Variants in PDE10A observed in about 807,000 individuals in gnomAD.
The protein encoded by PDE10A is cAMP and cAMP-inhibited cGMP 3',5'-cyclic phosphodiesterase 10A.
PDE10A carries 39 observed loss-of-function variants against 97.7 expected under a neutral mutation model. The ratio of observed to expected loss-of-function variants is 0.40; its 90% confidence interval spans 0.31 to 0.52. The LOEUF (loss-of-function observed/expected upper bound fraction) is 0.52. Ranked by LOEUF, PDE10A falls within the 20% of genes least tolerant of loss-of-function variation. The pLI, the probability that PDE10A is intolerant of heterozygous loss-of-function variation, is 0.56. For missense variants in PDE10A, 731 were observed against 1,047.8 expected (o/e 0.70, Z 4.17); for synonymous variants, 371 against 376.8 (o/e 0.98, Z 0.18).
chr6:165,766,974 T>C (rs895467672), intron 1 of PDE10A, among the ~76,000 whole-genome samples: 3 of 152,252 alleles, frequency 2.0e-5, no homozygotes, highest in Non-Finnish European at 2.9e-5. Context: ...AAACTTTCCC[T>C]TGTTTTATAA....
chr6:165,565,468 A>G (rs931374859), intron 1 of PDE10A, among the ~76,000 whole-genome samples: 11 of 152,224 alleles, frequency 7.2e-5, no homozygotes, highest in African/African-American at 2.4e-4. Context: ...AAGTGGATAC[A>G]TATTCCATGT....
chr6:165,793,425 G>A (rs373619129), intron 1 of PDE10A, among the ~76,000 whole-genome samples: 3 of 151,962 alleles, frequency 2.0e-5, no homozygotes, highest in South Asian at 4.2e-4. Flanking sequence ...CCAAGCAGAG[G>A]GCATTCTGGA....
chr6:165,693,878 G>T (rs1791375112), intron 1 of PDE10A, among the ~76,000 whole-genome samples: 1 of 152,174 alleles, frequency 6.6e-6, no homozygotes, highest in South Asian at 2.1e-4. Flanking sequence ...AATAGTACCT[G>T]GTGTTCCCAT....
chr6:165,947,710 G>A (rs1419812228), intron 1 of PDE10A, among the ~76,000 whole-genome samples: 1 of 152,102 alleles, frequency 6.6e-6, no homozygotes, highest in Non-Finnish European at 1.5e-5. Context: ...GATTCAATGT[G>A]CATTAATATG....
At chr6:165,664,564 G>A (rs1245376821), upstream of PDE10A, among the ~76,000 whole-genome samples, 3 of 152,112 alleles carry the variant, frequency 2.0e-5, no homozygotes, top group African/African-American at 4.8e-5. Context: ...AATGATTCCT[G>A]TGACTCTTAC....
At chr6:165,564,747 A>T (rs533051732) in intron 1 of PDE10A, among the ~76,000 whole-genome samples, 1 of 152,334 alleles carries the variant, frequency 6.6e-6, no homozygotes, top group East Asian at 1.9e-4. Context: ...CACCGAATAC[A>T]TCTTACTTTA....
At chr6:165,575,433 C>G (rs1785254631) in intron 1 of PDE10A, among the ~76,000 whole-genome samples, 1 of 152,184 alleles carries the variant, frequency 6.6e-6, no homozygotes, top group Admixed American at 6.5e-5. Context: ...CAATGTTTCT[C>G]TGAACCTCTA....
chr6:165,343,069 A>C (rs1278592513), intron 19 of PDE10A, among the ~76,000 whole-genome samples: 1 of 152,222 alleles, frequency 6.6e-6, no homozygotes, highest in East Asian at 1.9e-4. Flanking sequence ...GTGCCTATCT[A>C]AAGTAGATGG....
At chr6:165,810,143 G>C (rs775890189) in intron 1 of PDE10A, among the ~76,000 whole-genome samples, 21 of 152,130 alleles carry the variant, frequency 1.4e-4, no homozygotes, top group Non-Finnish European at 2.8e-4. Flanking sequence ...CAGGAGAGGT[G>C]AACTGGTGTT....
chr6:165,708,523 C>G (rs1399760698), intron 1 of PDE10A, among the ~76,000 whole-genome samples: 1 of 151,608 alleles, frequency 6.6e-6, no homozygotes, highest in Non-Finnish European at 1.5e-5. Flanking sequence ...CTCAGCACAT[C>G]CCCAAACACG....
chr6:165,439,320 T>C (rs1790265341), intron 5 of PDE10A, among the ~76,000 whole-genome samples: 1 of 152,160 alleles, frequency 6.6e-6, no homozygotes, highest in South Asian at 2.1e-4. Context: ...TATAAATATA[T>C]AAAAACTTTA....
intron 1 of PDE10A, among the ~76,000 whole-genome samples, chr6:165,944,726 G>A (rs190961994): frequency 6.6e-6 from 1 of 152,062 alleles, no homozygotes; most frequent in Non-Finnish European, 1.5e-5. Flanking sequence ...GCCCACTCAC[G>A]TTCACATATT....
At chr6:165,889,365 C>T (rs1425317138) in intron 1 of PDE10A, among the ~76,000 whole-genome samples, 3 of 152,224 alleles carry the variant, frequency 2.0e-5, no homozygotes, top group Admixed American at 6.5e-5. Flanking sequence ...GTTTCCCAAT[C>T]TGCACTCTCA....
Position 165,418,028 on chromosome 6 carries a change from C to G in PDE10A, c.1796+607G>C, listed in dbSNP as rs1315162849. On this transcript the variant is annotated intron_variant, in intron 11 of 21. Transcript: ENST00000539869. The surrounding 1 kb of genome is among the most constrained non-coding windows in gnomAD (Gnocchi z 4.8). ...TCAGAGTGCTCCTTGTGTAGGTTTC[C>G]AGGTGCGATATGAGCAAGCCCCCAT... is the stretch of plus-strand genomic sequence containing the variant. Among the ~76,000 whole-genome samples the G allele has an allele frequency of 6.6e-6, 1 of 152,024 alleles. No individual in the cohort carries two copies. Among genetic ancestry groups the G allele is most frequent in the Admixed American group, 6.6e-5 (1 of 15,258 alleles).
At chr6:165,566,196 A>C (rs1784770037) in intron 1 of PDE10A, among the ~76,000 whole-genome samples, 1 of 152,208 alleles carries the variant, frequency 6.6e-6, no homozygotes, top group Non-Finnish European at 1.5e-5. Flanking sequence ...ATAAAGACTT[A>C]ACCCAGAATA....
intron 1 of PDE10A, among the ~76,000 whole-genome samples, chr6:165,547,181 A>G (rs73250026): frequency 0.17 from 25,824 of 152,144 alleles, 2,546 homozygotes; most frequent in African/African-American, 0.26. Flanking sequence ...CATTCCTGCT[A>G]ATAAACTACA....
chr6:165,559,928 CA>C (rs1479618694), intron 1 of PDE10A, among the ~76,000 whole-genome samples: 1 of 152,202 alleles, frequency 6.6e-6, no homozygotes, highest in Non-Finnish European at 1.5e-5. Context: ...CCTCCCCAGA[CA>C]TGTGAAACTG....
chr6:165,859,806 T>G (rs1193613240), intron 1 of PDE10A, among the ~76,000 whole-genome samples: 2 of 152,200 alleles, frequency 1.3e-5, no homozygotes, highest in African/African-American at 2.4e-5. Flanking sequence ...TATGCACTGG[T>G]TGATTGATGG....
At chr6:165,574,934 A>C (rs1583569999) in intron 1 of PDE10A, among the ~76,000 whole-genome samples, 1 of 152,308 alleles carries the variant, frequency 6.6e-6, no homozygotes, top group Admixed American at 6.5e-5. Context: ...AACCATGAAT[A>C]AGTAGAAAAA....
Sources: allele counts gnomAD v4.1 joint callset (sites outside exome capture counted in the v4.1 genomes callset), GRCh38; gene constraint gnomAD v4.1.1; non-coding constraint Gnocchi (gnomAD v3.1); transcripts MANE v1.5; gene names NCBI Gene and HGNC (gene_info 2026-07-23, HGNC 2026-07-21).